Variants in COL5A1 observed in about 807,000 individuals in gnomAD.
COL5A1 encodes the protein collagen type V alpha 1 chain.
In COL5A1, 16 loss-of-function variants were observed where a neutral mutation model predicts 263.7. The ratio of observed to expected loss-of-function variants is 0.06; its 90% confidence interval spans 0.04 to 0.09. The LOEUF is 0.09. Ranked by LOEUF, COL5A1 falls within the 10% of genes least tolerant of loss-of-function variation. COL5A1 has a pLI of 1.00. For missense variants in COL5A1, 2,036 were observed against 2,540.5 expected (o/e 0.80, Z 4.27); for synonymous variants, 1,012 against 1,004.5 (o/e 1.01, Z -0.14).
chr9:134,646,982 C>T (rs7875570), intron 1 of COL5A1, among the ~76,000 whole-genome samples: 74,752 of 152,044 alleles, frequency 0.49, 21,531 homozygotes, highest in African/African-American at 0.8. Flanking sequence ...TTGTGAAGAT[C>T]GATTGAGGCC....
At position 134,824,740 on chromosome 9, in the gene COL5A1, C is replaced by T. The variant is rs1217815942; in HGVS notation, c.4839C>T (p.Gly1613=). Reference sequence around the variant, plus strand: ...CGGACGGCATGGAAGAGATCTTCGGCTCTCTCAACTCTCTGAAGCTGGAGA... The same window carrying T: ...CGGACGGCATGGAAGAGATCTTCGGTTCTCTCAACTCTCTGAAGCTGGAGA... ...DYADGMEEIF[G]SLNSLKLEIE... The change falls in exon 62 of 66, where the codon GGC becomes GGT. Residue 1613 remains glycine, a synonymous_variant. Coordinates refer to ENST00000371817, the MANE Select transcript of COL5A1 (RefSeq NM_000093.5). 6.2e-7 allele frequency: 1 copy of T among 1,614,216 alleles called. No homozygotes were observed. Among genetic ancestry groups the T allele is most frequent in the Admixed American group, 1.7e-5 (1 of 60,034 alleles).
At chr9:134,832,220 A>G (rs1446206889) in intron 64 of COL5A1, among the ~76,000 whole-genome samples, 4 of 152,170 alleles carry the variant, frequency 2.6e-5, no homozygotes, top group Non-Finnish European at 5.9e-5. Context: ...AGCCTGGCCA[A>G]CGTGGCAAAA....
rs539836473 is a variant in COL5A1 at position 134,761,685 on chromosome 9, C to G, written c.1936-240C>G. Among the ~76,000 whole-genome samples the G allele has an allele frequency of 5.3e-5, 8 of 152,310 alleles. No homozygotes were observed. The South Asian group carries it at 1.7e-3, about 32-fold the overall frequency. On this transcript the variant is annotated intron_variant, in intron 18 of 65. Coordinates refer to ENST00000371817, the MANE Select transcript of COL5A1 (RefSeq NM_000093.5). ...TGGCCCTGCCTTGCGCTGCTGGGTG[C>G]TCAGTCCAGCACCCTCCTACCTTCA...
chr9:134,816,408 C>T (rs1838747086), intron 52 of COL5A1, among the ~76,000 whole-genome samples: 1 of 152,246 alleles, frequency 6.6e-6, no homozygotes, highest in Admixed American at 6.5e-5. Context: ...GTTTTAAACA[C>T]CGCTTCAAGC....
chr9:134,671,882 A>G (rs1357799557), intron 1 of COL5A1, among the ~76,000 whole-genome samples: 5 of 152,258 alleles, frequency 3.3e-5, no homozygotes, highest in Admixed American at 3.3e-4. Flanking sequence ...CAATGAGCCA[A>G]CAGGCGCGTT....
intron 28 of COL5A1, among the ~76,000 whole-genome samples, 198 bp downstream of exon 28, chr9:134,780,344 T>C (rs1837206258): frequency 1.3e-5 from 2 of 152,106 alleles, no homozygotes; most frequent in African/African-American, 4.8e-5. Flanking sequence ...GGATAGGCCC[T>C]CGGGTCCCCA....
At chr9:134,778,615 A>C (rs1837137439) in intron 27 of COL5A1, among the ~76,000 whole-genome samples, 1 of 152,212 alleles carries the variant, frequency 6.6e-6, no homozygotes, top group Non-Finnish European at 1.5e-5. Flanking sequence ...TAGTGTGCCA[A>C]GTGCCAGGCC....
intron 11 of COL5A1, among the ~76,000 whole-genome samples, chr9:134,745,176 G>C (rs1327031663): frequency 1.3e-5 from 2 of 152,242 alleles, no homozygotes; most frequent in Non-Finnish European, 2.9e-5. Flanking sequence ...TGTAGCCCTG[G>C]AGGCAGTGTG....
At chr9:134,802,853 G>A (rs773199562) in intron 38 of COL5A1, 35 bp from the exon 39 acceptor site, 19 of 1,505,346 alleles carry the variant, frequency 1.3e-5, no homozygotes, top group Middle Eastern at 1.8e-4. Context: ...CAAGTCACTC[G>A]AAACGTCTGT....
At chr9:134,800,365 A>G (rs757407159) in intron 37 of COL5A1, among the ~76,000 whole-genome samples, 4 of 152,154 alleles carry the variant, frequency 2.6e-5, no homozygotes, top group Non-Finnish European at 5.9e-5. Flanking sequence ...TTCTGACCCC[A>G]TAAGTGCAAT....
At chr9:134,691,762 A>T (rs12552193) in intron 2 of COL5A1, 2 of 152,876 alleles carry the variant, frequency 1.3e-5, no homozygotes, top group Non-Finnish European at 2.9e-5. Flanking sequence ...CCACTTGCTC[A>T]TGGCCTGGAC....
intron 1 of COL5A1, among the ~76,000 whole-genome samples, chr9:134,689,943 A>G (rs1833216204): frequency 6.6e-6 from 1 of 152,056 alleles, no homozygotes; most frequent in Non-Finnish European, 1.5e-5. Context: ...TTTCCCATAA[A>G]ACTGACCTTG....
chr9:134,718,546 C>T (rs900230273), intron 4 of COL5A1, among the ~76,000 whole-genome samples: 11 of 152,202 alleles, frequency 7.2e-5, no homozygotes, highest in African/African-American at 1.4e-4. Flanking sequence ...GAAGCCAAGA[C>T]GTGGAACAGG....
At chr9:134,730,201 C>A (rs765084412) in intron 6 of COL5A1, 35 bp from the exon 7 acceptor site, 2 of 1,610,372 alleles carry the variant, frequency 1.2e-6, no homozygotes, top group Admixed American at 1.7e-5. Context: ...CCGGCCTCCG[C>A]CCTGACTCCA....
At position 134,817,706 on chromosome 9, in the gene COL5A1, GCCTGCACCCGAGCTCGTCCCTCCA is replaced by G. The variant is rs1564479950; in HGVS notation, c.4177-69_4177-46del. ...GGCCACACACACACACACCCTGAGC[GCCTGCACCCGAGCTCGTCCCTCCA>G]CCCCTGCAGGCCACACTCACCACCT... is the stretch of plus-strand genomic sequence containing the variant. On this transcript the variant is annotated intron_variant, in intron 53 of 65. Transcript: ENST00000371817. 147 of 1,370,542 alleles carry G rather than the reference GCCTGCACCCGAGCTCGTCCCTCCA, an allele frequency of 1.1e-4. 1 individual carries two copies. Among genetic ancestry groups the G allele is most frequent in the East Asian group, 6.0e-4 (25 of 41,594 alleles). The allele number at this position is 1,370,542 out of a possible 1,614,324, so 84.9% of individuals were successfully genotyped here.
chr9:134,806,756 G>A (rs766114423), intron 42 of COL5A1, among the ~76,000 whole-genome samples: 2 of 152,198 alleles, frequency 1.3e-5, no homozygotes, highest in Admixed American at 6.5e-5. Flanking sequence ...GCTCTTCCTA[G>A]GAAAGGATGT....
intron 1 of COL5A1, among the ~76,000 whole-genome samples, chr9:134,687,474 TCATCCATCCATCCATCCATCCATC>T (rs1367118211): frequency 4.0e-5 from 6 of 150,666 alleles, no homozygotes; most frequent in Non-Finnish European, 7.4e-5. Flanking sequence ...ATCCATCCAT[TCATCCATCCATCCATCCATCCATC>T]CACCATGTGA....
intron 27 of COL5A1, among the ~76,000 whole-genome samples, chr9:134,778,104 C>T (rs1014112232): frequency 6.6e-6 from 1 of 152,182 alleles, no homozygotes; most frequent in African/African-American, 2.4e-5. Flanking sequence ...GATGCCACGC[C>T]GTGGTGAGAC....
At chr9:134,823,618 G>T in intron 61 of COL5A1, 149 bp downstream of exon 61, 2 of 777,102 alleles carry the variant, frequency 2.6e-6, no homozygotes, top group South Asian at 1.7e-5. Context: ...CGCAGCCGGG[G>T]AAATGAGCCA....
Sources: gnomAD v4.1 joint callset for allele counts (sites outside exome capture counted in the v4.1 genomes callset) on GRCh38, gnomAD v4.1.1 for gene constraint, MANE v1.5 for transcripts, NCBI Gene and HGNC (gene_info 2026-07-23, HGNC 2026-07-21) for gene names.